DAPK1: variants seen among roughly 807,000 people sequenced by gnomAD.
DAPK1 encodes death associated protein kinase 1, also known as death-associated protein kinase 1.
A neutral mutation model predicts 144.9 loss-of-function variants in DAPK1; 56 were observed. The observed-to-expected ratio is 0.39, with a 90% CI of 0.31 to 0.48. The LOEUF is 0.48. Ranked by LOEUF, DAPK1 falls within the 20% of genes least tolerant of loss-of-function variation. The pLI is 0.95. For synonymous variants in DAPK1, 690 were observed against 749.0 expected, an observed-to-expected ratio of 0.92 and a Z score of 1.29; for missense variants, 1,454 against 1,875.4, an observed-to-expected ratio of 0.78 and a Z score of 4.15.
At chr9:87,504,663 G>T (rs1824523659) in intron 2 of DAPK1, among the ~76,000 whole-genome samples, 1 of 152,166 alleles carries the variant, frequency 6.6e-6, no homozygotes, top group African/African-American at 2.4e-5. Context: ...AAATTCCAGT[G>T]CACTCATCCC....
At chr9:87,667,071 A>G (rs935386849) in intron 18 of DAPK1, among the ~76,000 whole-genome samples, 3 of 152,338 alleles carry the variant, frequency 2.0e-5, no homozygotes, top group African/African-American at 7.2e-5. Context: ...GATATTTTCA[A>G]GTTTTACAGG....
At chr9:87,529,936 A>G (rs1259888585) in intron 2 of DAPK1, among the ~76,000 whole-genome samples, 1 of 152,216 alleles carries the variant, frequency 6.6e-6, no homozygotes, top group Non-Finnish European at 1.5e-5. Context: ...GGAGGAGCTG[A>G]TGCCTCCCTA....
intron 25 of DAPK1, 61 bp downstream of exon 25, chr9:87,703,278 A>G: frequency 1.1e-6 from 1 of 932,246 alleles, no homozygotes; most frequent in South Asian, 1.4e-5. Context: ...AGCCTGTCCC[A>G]AATTCCAGCT....
At chr9:87,571,496 C>A (rs1261930905) in intron 2 of DAPK1, among the ~76,000 whole-genome samples, 6,971 of 33,150 alleles carry the variant, frequency 0.21, 1,335 homozygotes, top group East Asian at 0.34. Context: ...CACACACACC[C>A]CAACACACAC....
intron 21 of DAPK1, among the ~76,000 whole-genome samples, chr9:87,692,412 G>GTAA (rs1825092145): frequency 6.6e-6 from 1 of 152,044 alleles, no homozygotes; most frequent in African/African-American, 2.4e-5. Flanking sequence ...GTTGGGCCAT[G>GTAA]TTTTATTAGT....
At chr9:87,597,792 C>A (rs766804482) in intron 2 of DAPK1, among the ~76,000 whole-genome samples, 1 of 152,118 alleles carries the variant, frequency 6.6e-6, no homozygotes, top group Admixed American at 6.5e-5. Flanking sequence ...TCTAGAAATA[C>A]GAAGTAGGCT....
chr9:87,642,489 C>T (rs113047430), intron 10 of DAPK1, among the ~76,000 whole-genome samples: 18 of 152,144 alleles, frequency 1.2e-4, no homozygotes, highest in Admixed American at 3.9e-4. Context: ...GGGGTGGGGC[C>T]GTGAGCATTT....
At chr9:87,590,774 A>G (rs1053042703) in intron 2 of DAPK1, among the ~76,000 whole-genome samples, 2 of 152,224 alleles carry the variant, frequency 1.3e-5, no homozygotes, top group Admixed American at 6.5e-5. Context: ...TTTTTTATAG[A>G]GATGGGGTCT....
chr9:87,558,738 G>T (rs972754290), intron 2 of DAPK1, among the ~76,000 whole-genome samples: 1 of 152,200 alleles, frequency 6.6e-6, no homozygotes, highest in Non-Finnish European at 1.5e-5. Context: ...TCCTTGGACA[G>T]CCTGCTATAG....
intron 2 of DAPK1, among the ~76,000 whole-genome samples, chr9:87,589,162 G>A (rs1828041847): frequency 6.7e-6 from 1 of 149,400 alleles, no homozygotes; most frequent in African/African-American, 2.5e-5. Flanking sequence ...TCCCACCTTG[G>A]CCTACCAAAG....
At position 87,707,132 on chromosome 9, in the gene DAPK1, T is replaced by C; in HGVS notation, c.4061T>C (p.Leu1354Pro). 1 of 1,613,652 alleles carries C rather than the reference T, an allele frequency of 6.2e-7. No homozygotes were observed. The highest frequency in any genetic ancestry group is 8.5e-7 in the Non-Finnish European group (1 of 1,179,724). Reference protein sequence around the residue: ...NTSNGAPKDFLPSPLHALLRE... With the variant: ...NTSNGAPKDFPPSPLHALLRE... ...AGTAACGGGGCTCCCAAGGATTTCC[T>C]CCCCAGCCCCCTCCACGCCCTGCTG... Residue 1354 changes from leucine to proline, a missense_variant, in exon 26 of 26, where the codon CTC becomes CCC. This residue lies in a region of DAPK1 where 1,025 missense variants were observed against 1,237.9 expected (regional missense o/e 0.83). Coordinates refer to ENST00000408954, the MANE Select transcript of DAPK1 (RefSeq NM_004938.4). This position sits in a 1 kb window ranked among gnomAD's most constrained non-coding sequence, Gnocchi z 4.0.
chr9:87,707,284 G>T lies in DAPK1; in HGVS notation c.4213G>T (p.Gly1405Cys). The change falls in exon 26 of 26, where the codon GGC (glycine) becomes TGC (cysteine). Residue 1405 changes from glycine to cysteine, a missense_variant. By Grantham distance (159) the Gly-to-Cys change is radical. Coordinates refer to ENST00000408954, the MANE Select transcript of DAPK1 (RefSeq NM_004938.4). This position sits in a 1 kb window ranked among gnomAD's most constrained non-coding sequence, Gnocchi z 4.0. ...ASSVFKINLD[G>C]NGQEAYASSC... is the part of the protein sequence containing the mutation. ...CTCTGTGTTCAAAATCAACCTGGAT[G>T]GCAATGGCCAGGAGGCCTATGCCTC... is the stretch of plus-strand genomic sequence containing the variant. 6.2e-7 allele frequency: 1 copy of T among 1,613,860 alleles called. No homozygotes were observed. The highest frequency in any genetic ancestry group is 2.2e-5 in the East Asian group (1 of 44,884).
chr9:87,673,449 G>A (rs1420959058), intron 19 of DAPK1, among the ~76,000 whole-genome samples: 1 of 152,196 alleles, frequency 6.6e-6, no homozygotes, highest in Non-Finnish European at 1.5e-5. Context: ...ATGGGATTTG[G>A]CATCTGGAAA....
intron 2 of DAPK1, among the ~76,000 whole-genome samples, chr9:87,538,286 A>G (rs1360567809): frequency 6.6e-6 from 1 of 152,152 alleles, no homozygotes; most frequent in African/African-American, 2.4e-5. Context: ...TATCAAACTA[A>G]TAATGGCCAT....
chr9:87,641,682 C>T (rs1830100012), intron 9 of DAPK1, among the ~76,000 whole-genome samples: 1 of 152,204 alleles, frequency 6.6e-6, no homozygotes, highest in African/African-American at 2.4e-5. Context: ...CATAGCCTCA[C>T]CATGAATATT....
chr9:87,601,561 G>T (rs1828517803), intron 2 of DAPK1, among the ~76,000 whole-genome samples: 1 of 152,066 alleles, frequency 6.6e-6, no homozygotes, highest in African/African-American at 2.4e-5. Context: ...GTCATGAGAG[G>T]TAGGTACTTG....
At chr9:87,546,570 C>T (rs1229244343) in intron 2 of DAPK1, among the ~76,000 whole-genome samples, 1 of 152,122 alleles carries the variant, frequency 6.6e-6, no homozygotes, top group Non-Finnish European at 1.5e-5. Context: ...AGGGGCAGTG[C>T]CTCCAGGGTC....
intron 2 of DAPK1, among the ~76,000 whole-genome samples, chr9:87,550,145 G>A (rs929341732): frequency 1.6e-4 from 24 of 152,262 alleles, no homozygotes; most frequent in Admixed American, 3.3e-4. Flanking sequence ...AACATTAACC[G>A]TCACCCTAGA....
intron 10 of DAPK1, among the ~76,000 whole-genome samples, chr9:87,642,634 G>A (rs1465143872): frequency 1.3e-5 from 2 of 152,152 alleles, no homozygotes; most frequent in African/African-American, 2.4e-5. Flanking sequence ...ATGGTTTCCT[G>A]TGCCCAGGGT....
Sources: gnomAD v4.1 joint callset for allele counts (sites outside exome capture counted in the v4.1 genomes callset) on GRCh38, gnomAD v4.1.1 for gene constraint, gnomAD v4.1.1 regional missense constraint, Gnocchi (gnomAD v3.1) non-coding constraint, MANE v1.5 for transcripts, NCBI Gene and HGNC (gene_info 2026-07-23, HGNC 2026-07-21) for gene names.